Variants in CCDC13 observed in about 807,000 individuals in gnomAD.
The protein encoded by CCDC13 is coiled-coil domain containing 13.
Under a neutral mutation model 87.3 loss-of-function variants are expected in CCDC13, and 70 were observed. That is an observed-to-expected ratio of 0.80 (90% confidence interval 0.66 to 0.98). The LOEUF (loss-of-function observed/expected upper bound fraction) is 0.98. Ranked by LOEUF, CCDC13 falls within the 50% of genes least tolerant of loss-of-function variation. The pLI is 0.00. For synonymous variants in CCDC13, 317 were observed against 360.3 expected (o/e 0.88, Z 1.36); for missense variants, 842 against 892.0 (o/e 0.94, Z 0.71).
rs775956906 is a variant in CCDC13, at chr3:42,732,900, T to C, written c.1582A>G (p.Arg528Gly). The change falls in exon 12 of 16, where the codon AGG (arginine) becomes GGG (glycine). Residue 528 changes from arginine to glycine, a missense_variant. Transcript: ENST00000310232. ...LTRPSLPSPH[R>G]TSPRFSDSPE... ...GGGGGTCCATACCTAGGTGAGGTCCTGTGGGGACTGGGCAGGGAAGGCCTC... is the reference window on the plus strand; with the variant it reads ...GGGGGTCCATACCTAGGTGAGGTCCCGTGGGGACTGGGCAGGGAAGGCCTC... 1.3e-6 allele frequency: 2 copies of C among 1,553,360 alleles called. No homozygotes were observed. The highest frequency in any genetic ancestry group is 1.2e-5 in the South Asian group (1 of 84,158).
chr3:42,710,113 CTTT>C (rs1200200759), intron 14 of CCDC13, among the ~76,000 whole-genome samples: 2 of 137,494 alleles, frequency 1.5e-5, no homozygotes. Flanking sequence ...TTTTTTTTTT[CTTT>C]TTTTTTTTTT....
chr3:42,747,823 G>A (rs1378250833), intron 5 of CCDC13, among the ~76,000 whole-genome samples: 1 of 152,180 alleles, frequency 6.6e-6, no homozygotes, highest in Non-Finnish European at 1.5e-5. Flanking sequence ...AGAATAAAGA[G>A]GAAACCACGT....
intron 12 of CCDC13, among the ~76,000 whole-genome samples, chr3:42,731,922 C>G (rs1698844329): frequency 6.6e-6 from 1 of 152,192 alleles, no homozygotes; most frequent in Admixed American, 6.5e-5. Flanking sequence ...TCTGGGCAGC[C>G]AAGGCACAGA....
At chr3:42,757,255 G>A in intron 2 of CCDC13, 41 bp from the exon 3 acceptor site, 1 of 1,593,304 alleles carries the variant, frequency 6.3e-7, no homozygotes, top group South Asian at 1.1e-5. Flanking sequence ...CCAAGGCAAA[G>A]GCCCTGGTGG....
chr3:42,771,887 A>G (rs969796293), intron 1 of CCDC13, among the ~76,000 whole-genome samples: 5 of 152,240 alleles, frequency 3.3e-5, no homozygotes, highest in Non-Finnish European at 7.3e-5. Context: ...TAAGATGTTA[A>G]CAACAGAGGA....
In CCDC13 at chr3:42,747,388, C is replaced by G; in HGVS notation, c.604-15G>C. On this transcript the variant is annotated splice_polypyrimidine_tract_variant and intron_variant, in intron 5 of 15. Transcript: ENST00000310232. ...GGGGTCTCCAGCTGGTTGGGAAGGA[C>G]AGGAGAGAAAGTAGTCATTTATTGC... is the stretch of plus-strand genomic sequence containing the variant. 1.3e-6 allele frequency: 2 copies of G among 1,578,880 alleles called. No homozygotes were observed. The highest frequency in any genetic ancestry group is 1.7e-6 in the Non-Finnish European group (2 of 1,148,876).
intron 8 of CCDC13, among the ~76,000 whole-genome samples, chr3:42,740,518 G>A (rs1392038529): frequency 6.6e-6 from 1 of 152,194 alleles, no homozygotes; most frequent in East Asian, 1.9e-4. Flanking sequence ...AACAGTCCTT[G>A]TCCTCAAGGA....
At chr3:42,771,278 A>AT (rs1279201248) in intron 1 of CCDC13, among the ~76,000 whole-genome samples, 1 of 152,250 alleles carries the variant, frequency 6.6e-6, no homozygotes, top group East Asian at 1.9e-4. Context: ...GAAGTAAAAG[A>AT]TACCAGTGAT....
chr3:42,723,961 A>T (rs1698628561), intron 13 of CCDC13, among the ~76,000 whole-genome samples: 1 of 152,210 alleles, frequency 6.6e-6, no homozygotes, highest in Non-Finnish European at 1.5e-5. Context: ...AATTTACAAC[A>T]AATTAAAAAT....
intron 13 of CCDC13, among the ~76,000 whole-genome samples, chr3:42,720,932 T>G (rs1168084817): frequency 1.3e-4 from 20 of 152,194 alleles, no homozygotes. Context: ...CTGATTAAGA[T>G]TAAATAAATT....
At chr3:42,768,697 TA>T (rs56318907) in intron 1 of CCDC13, among the ~76,000 whole-genome samples, 144,582 of 151,444 alleles carry the variant, frequency 0.95, 69,354 homozygotes, top group East Asian at 1. Flanking sequence ...ACTCAAAAAA[TA>T]AAAAAAAATA....
rs931065228 is a variant in CCDC13 at position 42,706,647 on chromosome 3, T to C, written c.*2333A>G. 3 of 152,350 alleles carry C rather than the reference T, an allele frequency of 2.0e-5. No individual in the cohort carries two copies. The highest frequency in any genetic ancestry group is 2.1e-4 in the South Asian group (1 of 4,832). The allele number at this position is 152,350 out of a possible 1,614,324, so 9.4% of individuals were successfully genotyped here. On this transcript the variant is annotated 3_prime_UTR_variant, in exon 16 of 16. Transcript: ENST00000310232. ...ACCAGCAAATCAGTTTACCCAAAAA[T>C]GTGCAAACAAGATTTCCTGTGCCTG...
rs373198757 is a variant in CCDC13, at chr3:42,740,640, A to C, written c.988-830T>G. ...TATGGTCAGGTAAGGCCTTTCTGAA[A>C]AGGTGGCATCTGAGCAGAGACTGAA... is the stretch of plus-strand genomic sequence containing the variant. On this transcript the variant is annotated intron_variant, in intron 8 of 15. Coordinates refer to ENST00000310232, the MANE Select transcript of CCDC13 (RefSeq NM_144719.4). Among the ~76,000 whole-genome samples, 3 of 152,336 alleles carry C rather than the reference A, an allele frequency of 2.0e-5. No individual in the cohort carries two copies. In the South Asian group the frequency reaches 6.2e-4, roughly 32 times the overall value.
chr3:42,741,958 C>T (rs145112433), intron 8 of CCDC13, among the ~76,000 whole-genome samples: 102 of 152,344 alleles, frequency 6.7e-4, no homozygotes, highest in African/African-American at 2.4e-3. Context: ...AGGCAAAAGT[C>T]TCCAGATGAA....
At chr3:42,772,565 TCAA>T (rs1172942262) in intron 1 of CCDC13, among the ~76,000 whole-genome samples, 1 of 152,182 alleles carries the variant, frequency 6.6e-6, no homozygotes, top group African/African-American at 2.4e-5. Flanking sequence ...TCGAGTATTC[TCAA>T]CAACAGTCTA....
At position 42,708,826 on chromosome 3, in the gene CCDC13, GT is replaced by G; in HGVS notation, c.*153del. The G allele has an allele frequency of 2.7e-6, 2 of 733,598 alleles. No individual in the cohort carries two copies. The highest frequency in any genetic ancestry group is 2.1e-6 in the Non-Finnish European group (1 of 470,088). The allele number at this position is 733,598 out of a possible 1,614,324, so 45.4% of individuals were successfully genotyped here. ...TCTGCCTTCCTGGCCTGAGACATTGGTTTTGGTCATCCTTAAGGAGCCTCTT... is the reference window on the plus strand; with the variant it reads ...TCTGCCTTCCTGGCCTGAGACATTGGTTTGGTCATCCTTAAGGAGCCTCTT... On this transcript the variant is annotated 3_prime_UTR_variant, in exon 16 of 16. Transcript: ENST00000310232.
chr3:42,749,867 T>C (rs1699527018), intron 5 of CCDC13: 1 of 456,576 alleles, frequency 2.2e-6, no homozygotes, highest in African/African-American at 2.0e-5. Flanking sequence ...TCAGCTCCAC[T>C]CTGGAATGTG....
chr3:42,770,073 C>T (rs7609833), intron 1 of CCDC13, among the ~76,000 whole-genome samples: 302 of 152,376 alleles, frequency 2.0e-3, no homozygotes, highest in African/African-American at 7.0e-3. Flanking sequence ...GACTGGCCGG[C>T]ACCTCCGCCT....
chr3:42,710,746 G>A (rs937182252), intron 14 of CCDC13, among the ~76,000 whole-genome samples: 2 of 152,184 alleles, frequency 1.3e-5, no homozygotes, highest in Admixed American at 6.5e-5. Context: ...TCTCATTGCT[G>A]GGGAGGCAGC....
Sources: allele counts gnomAD v4.1 joint callset (sites outside exome capture counted in the v4.1 genomes callset), GRCh38; gene constraint gnomAD v4.1.1; transcripts MANE v1.5; gene names NCBI Gene and HGNC (gene_info 2026-07-23, HGNC 2026-07-21).